Variants in RPS6KA5 observed in about 807,000 individuals in gnomAD.
The protein encoded by RPS6KA5 is ribosomal protein S6 kinase A5.
In RPS6KA5, 27 loss-of-function variants were observed where a neutral mutation model predicts 85.5. The observed-to-expected ratio is 0.32, with a 90% CI of 0.23 to 0.44. RPS6KA5 has a LOEUF of 0.44. RPS6KA5 is among the 20% of genes least tolerant of loss of function. RPS6KA5 has a pLI of 1.00. For synonymous variants in RPS6KA5, 334 were observed against 348.2 expected, an observed-to-expected ratio of 0.96 and a Z score of 0.46; for missense variants, 811 against 980.9, an observed-to-expected ratio of 0.83 and a Z score of 2.31.
intron 1 of RPS6KA5, among the ~76,000 whole-genome samples, chr14:91,024,805 T>C (rs1048604345): frequency 7.2e-5 from 11 of 152,228 alleles, no homozygotes; most frequent in African/African-American, 2.7e-4. Context: ...TGACATTTTC[T>C]CTTTCTGAGA....
chr14:90,938,639 C>T (rs2037409778), intron 5 of RPS6KA5, among the ~76,000 whole-genome samples: 1 of 152,218 alleles, frequency 6.6e-6, no homozygotes, highest in South Asian at 2.1e-4. Flanking sequence ...TGTGTACCCA[C>T]AGGCTCACTA....
intron 3 of RPS6KA5, among the ~76,000 whole-genome samples, chr14:90,955,636 A>AGATT (rs143866823): frequency 0.7 from 97,696 of 140,206 alleles, 32,770 homozygotes; most frequent in East Asian, 0.89. Context: ...TAATGTTTTA[A>AGATT]AATTAATTTC....
At chr14:91,033,146 C>T (rs377759609) in intron 1 of RPS6KA5, among the ~76,000 whole-genome samples, 23 of 149,436 alleles carry the variant, frequency 1.5e-4, no homozygotes, top group Middle Eastern at 3.4e-3. Flanking sequence ...GACATTGGGG[C>T]GCCACTGCAC....
chr14:90,939,223 C>T (rs978626216), intron 5 of RPS6KA5, among the ~76,000 whole-genome samples: 12 of 152,174 alleles, frequency 7.9e-5, no homozygotes, highest in African/African-American at 2.9e-4. Flanking sequence ...GTTCTACTTC[C>T]CACCAAGTTC....
rs564706231 is a variant in RPS6KA5 at position 91,004,442 on chromosome 14, C to A, written c.104-3283G>T. On this transcript the variant is annotated intron_variant, in intron 1 of 16. Coordinates refer to ENST00000614987, the MANE Select transcript of RPS6KA5 (RefSeq NM_004755.4). Reference sequence around the variant, plus strand: ...TAGGATACAGAAATCTTAATCCTTACAATAGTCCTCAAAGTTATTGTCTGA... The same window carrying A: ...TAGGATACAGAAATCTTAATCCTTAAAATAGTCCTCAAAGTTATTGTCTGA... Among the ~76,000 whole-genome samples the A allele has an allele frequency of 4.6e-5, 7 of 152,268 alleles. No individual in the cohort carries two copies. The South Asian group carries it at 1.4e-3, about 32-fold the overall frequency.
chr14:90,991,226 A>G (rs565900322), intron 2 of RPS6KA5, among the ~76,000 whole-genome samples: 1 of 152,362 alleles, frequency 6.6e-6, no homozygotes, highest in Admixed American at 6.5e-5. Context: ...ATAACAGCAT[A>G]TGATATTAAA....
chr14:90,876,709 T>C (rs970422172), intron 14 of RPS6KA5, among the ~76,000 whole-genome samples: 1 of 151,972 alleles, frequency 6.6e-6, no homozygotes, highest in African/African-American at 2.4e-5. Context: ...ACCAGATGGT[T>C]TGAGAAGGGA....
chr14:90,989,568 T>A (rs2040214461), intron 2 of RPS6KA5, among the ~76,000 whole-genome samples: 1 of 152,198 alleles, frequency 6.6e-6, no homozygotes, highest in South Asian at 2.1e-4. Flanking sequence ...GAATTACTGA[T>A]AATGCACACC....
At chr14:91,048,075 C>A (rs775884916) in intron 1 of RPS6KA5, among the ~76,000 whole-genome samples, 12 of 152,070 alleles carry the variant, frequency 7.9e-5, no homozygotes, top group Non-Finnish European at 1.6e-4. Flanking sequence ...AACATGTTTG[C>A]GGGTTCCAGG....
At chr14:91,004,848 G>T (rs576260167) in intron 1 of RPS6KA5, among the ~76,000 whole-genome samples, 36 of 152,070 alleles carry the variant, frequency 2.4e-4, no homozygotes, top group African/African-American at 8.7e-4. Context: ...GGCGCCTGTA[G>T]TCCCAGCTCC....
chr14:90,936,863 T>C (rs2037286182), intron 5 of RPS6KA5, among the ~76,000 whole-genome samples: 1 of 152,170 alleles, frequency 6.6e-6, no homozygotes, highest in Non-Finnish European at 1.5e-5. Context: ...TGTGATATAC[T>C]GACAGAAAGG....
chr14:90,947,633 C>A, intron 3 of RPS6KA5, 83 bp from the exon 4 acceptor site: 1 of 765,222 alleles, frequency 1.3e-6, no homozygotes, highest in Admixed American at 2.2e-5. Flanking sequence ...TTTGGATTCA[C>A]CATAAGGCAC....
In RPS6KA5 at chr14:90,899,408, G is replaced by C. The variant is rs2035031327; in HGVS notation, c.1394C>G (p.Thr465Ser). ...KIISKRMEAN[T>S]QKEITALKLC... ...TTTCAGAGCTGTTATTTCCTTTTGAGTATTGGCTTCCATCCTGCAAGATGA... is the reference window on the plus strand; with the variant it reads ...TTTCAGAGCTGTTATTTCCTTTTGACTATTGGCTTCCATCCTGCAAGATGA... Residue 465 changes from threonine to serine, a missense_variant, in exon 12 of 17, where the codon ACT becomes AGT. By Grantham distance (58) the Thr-to-Ser change is moderately conservative (BLOSUM62 1). This residue lies in a region of RPS6KA5 where 650 missense variants were observed against 793.4 expected (regional missense o/e 0.82). Coordinates refer to ENST00000614987, the MANE Select transcript of RPS6KA5 (RefSeq NM_004755.4). 6.2e-7 allele frequency: 1 copy of C among 1,612,780 alleles called. No individual in the cohort carries two copies. The highest frequency in any genetic ancestry group is 1.7e-5 in the Admixed American group (1 of 59,954).
intron 1 of RPS6KA5, among the ~76,000 whole-genome samples, chr14:91,008,883 C>T (rs553188040): frequency 3.0e-4 from 45 of 152,130 alleles, no homozygotes; most frequent in South Asian, 8.3e-4. Flanking sequence ...AAAATGATTG[C>T]TAAAAAACAA....
chr14:90,895,558 C>G (rs775300502), intron 12 of RPS6KA5, among the ~76,000 whole-genome samples: 1 of 152,060 alleles, frequency 6.6e-6, no homozygotes, highest in Non-Finnish European at 1.5e-5. Context: ...CTTCTCCACC[C>G]AGGCTCTTTT....
chr14:90,993,621 G>T (rs1313576865), intron 2 of RPS6KA5, among the ~76,000 whole-genome samples: 1 of 152,200 alleles, frequency 6.6e-6, no homozygotes, highest in East Asian at 1.9e-4. Flanking sequence ...GGTTGCTGTT[G>T]TAAAGTCCAC....
intron 3 of RPS6KA5, among the ~76,000 whole-genome samples, chr14:90,954,208 TC>T (rs1228667834): frequency 3.3e-5 from 5 of 152,182 alleles, no homozygotes; most frequent in Non-Finnish European, 7.4e-5. Context: ...GGGGACAGGT[TC>T]CCCCGTTATT....
chr14:90,923,712 A>T (rs751608073), intron 5 of RPS6KA5, among the ~76,000 whole-genome samples: 78 of 151,594 alleles, frequency 5.1e-4, no homozygotes, highest in African/African-American at 1.6e-3. Flanking sequence ...AAGAATAAAA[A>T]TTTTTTTTTC....
chr14:90,966,990 A>G (rs920045850), intron 3 of RPS6KA5, among the ~76,000 whole-genome samples: 2 of 152,208 alleles, frequency 1.3e-5, no homozygotes, highest in Non-Finnish European at 2.9e-5. Context: ...TTTACAACTG[A>G]AGAACAAAAG....
Sources: gnomAD v4.1 joint callset for allele counts (sites outside exome capture counted in the v4.1 genomes callset) on GRCh38, gnomAD v4.1.1 for gene constraint, gnomAD v4.1.1 regional missense constraint, MANE v1.5 for transcripts, NCBI Gene and HGNC (gene_info 2026-07-23, HGNC 2026-07-21) for gene names.